ZBTB20: variants seen among roughly 807,000 people sequenced by gnomAD.
ZBTB20 encodes zinc finger and BTB domain containing 20.
ZBTB20 carries 9 observed loss-of-function variants against 56.9 expected under a neutral mutation model. The ratio of observed to expected loss-of-function variants is 0.16; its 90% CI spans 0.10 to 0.28. The LOEUF is 0.28. Ranked by LOEUF, ZBTB20 falls within the 10% of genes least tolerant of loss-of-function variation. The probability of loss-of-function intolerance (pLI) is 1.00; values close to 1 mark genes in which losing one functional copy is unlikely to be tolerated. For synonymous variants in ZBTB20, 417 were observed against 420.7 expected, an observed-to-expected ratio of 0.99 and a Z score of 0.11; for missense variants, 655 against 1,003.0, an observed-to-expected ratio of 0.65 and a Z score of 4.69.
intron 5 of ZBTB20, among the ~76,000 whole-genome samples, chr3:114,711,399 A>G (rs2064068919): frequency 6.6e-6 from 1 of 152,220 alleles, no homozygotes; most frequent in South Asian, 2.1e-4. Flanking sequence ...TCCCAGTCAC[A>G]TAAACTTTAA....
In ZBTB20 at chr3:114,851,529, A is replaced by T. The variant is rs533442051; in HGVS notation, c.-417+48775T>A. ...CTGGTTATTTCCCCATTGTATTTCC[A>T]ATTTTGTGCATTTGTGGGATTTCTC... is the stretch of plus-strand genomic sequence containing the variant. On this transcript the variant is annotated intron_variant, in intron 4 of 11. Transcript: ENST00000675478. Among the ~76,000 whole-genome samples, 168 of 152,026 alleles carry T rather than the reference A, an allele frequency of 1.1e-3. 2 individuals carry two copies. The highest frequency in any genetic ancestry group is 1.8e-3 in the Non-Finnish European group (120 of 67,956).
chr3:114,541,845 C>T (rs2049151521), intron 6 of ZBTB20, among the ~76,000 whole-genome samples: 1 of 152,038 alleles, frequency 6.6e-6, no homozygotes, highest in Non-Finnish European at 1.5e-5. Flanking sequence ...ATTATTAAAC[C>T]TCTCTGAATG....
intron 2 of ZBTB20, among the ~76,000 whole-genome samples, chr3:115,061,771 CTATT>C (rs369650983): frequency 2.3e-4 from 35 of 152,198 alleles, no homozygotes; most frequent in African/African-American, 7.9e-4. Context: ...ACAGCTGAAA[CTATT>C]TAATATGGGT....
At chr3:114,530,869 C>T (rs1474486283) in intron 6 of ZBTB20, among the ~76,000 whole-genome samples, 1 of 152,084 alleles carries the variant, frequency 6.6e-6, no homozygotes, top group Admixed American at 6.6e-5. Context: ...CCTAATTTCC[C>T]TATTCTCTAT....
chr3:114,589,064 C>T (rs1037033683), intron 6 of ZBTB20, among the ~76,000 whole-genome samples: 1 of 152,080 alleles, frequency 6.6e-6, no homozygotes, highest in African/African-American at 2.4e-5. Flanking sequence ...GTAACTGCTT[C>T]CATGATTCAA....
At chr3:114,647,148 C>T (rs191286937) in intron 6 of ZBTB20, among the ~76,000 whole-genome samples, 1 of 152,144 alleles carries the variant, frequency 6.6e-6, no homozygotes, top group Admixed American at 6.6e-5. Flanking sequence ...TTAGTAGAGA[C>T]TGGCTTTCAT....
At chr3:115,027,598 T>C (rs2080478054) in intron 2 of ZBTB20, 1 of 150,986 alleles carries the variant, frequency 6.6e-6, no homozygotes, top group African/African-American at 2.4e-5. Context: ...AGTAAAGTAT[T>C]CTTACTTCAC....
chr3:114,835,803 T>C (rs2108976828), intron 4 of ZBTB20, among the ~76,000 whole-genome samples: 1 of 152,326 alleles, frequency 6.6e-6, no homozygotes, highest in South Asian at 2.1e-4. Context: ...ACATTTTTTT[T>C]CTTTTTTTGT....
chr3:114,819,489 G>GA (rs2073123651), intron 4 of ZBTB20, among the ~76,000 whole-genome samples: 1 of 151,794 alleles, frequency 6.6e-6, no homozygotes, highest in Non-Finnish European at 1.5e-5. Flanking sequence ...TGAAAGAACT[G>GA]AAAAAGCAGA....
At chr3:114,560,881 T>C (rs1249112306) in intron 6 of ZBTB20, among the ~76,000 whole-genome samples, 5 of 152,206 alleles carry the variant, frequency 3.3e-5, no homozygotes, top group Non-Finnish European at 5.9e-5. Flanking sequence ...TGCTGTTTGA[T>C]AGCATTTTAC....
At chr3:114,523,533 C>T (rs73224505) in intron 6 of ZBTB20, among the ~76,000 whole-genome samples, 4,044 of 152,172 alleles carry the variant, frequency 0.027, 68 homozygotes, top group Middle Eastern at 0.065. Context: ...TTTGATAAAA[C>T]AGAAGAAAGA....
intron 5 of ZBTB20, among the ~76,000 whole-genome samples, chr3:114,717,504 A>G (rs1255542744): frequency 6.6e-6 from 1 of 152,060 alleles, no homozygotes; most frequent in African/African-American, 2.4e-5. Flanking sequence ...TGAGGCTTTG[A>G]TTCTTGTCCA....
intron 2 of ZBTB20, among the ~76,000 whole-genome samples, chr3:115,035,488 G>A (rs2080875261): frequency 6.6e-6 from 1 of 151,768 alleles, no homozygotes; most frequent in South Asian, 2.1e-4. Flanking sequence ...TTTGGGAAAT[G>A]TAAATCAAAG....
intron 3 of ZBTB20, among the ~76,000 whole-genome samples, chr3:114,914,451 G>A (rs1023377954): frequency 7.2e-5 from 11 of 151,846 alleles, no homozygotes; most frequent in African/African-American, 2.2e-4. Context: ...TGAATTTATT[G>A]ATCAGTTCTA....
chr3:114,700,712 C>T (rs1441420705), intron 5 of ZBTB20, among the ~76,000 whole-genome samples: 1 of 152,118 alleles, frequency 6.6e-6, no homozygotes, highest in African/African-American at 2.4e-5. Context: ...GACCTGCACA[C>T]TAAAATTGTA....
chr3:114,799,669 T>C (rs1378270697), intron 5 of ZBTB20, among the ~76,000 whole-genome samples: 3 of 151,976 alleles, frequency 2.0e-5, no homozygotes, highest in Admixed American at 1.3e-4. Context: ...GAGACCTTAC[T>C]GTCTGTGGGT....
intron 4 of ZBTB20, among the ~76,000 whole-genome samples, chr3:114,888,309 G>A (rs2076681490): frequency 6.6e-6 from 1 of 152,028 alleles, no homozygotes; most frequent in Non-Finnish European, 1.5e-5. Context: ...TGTAGTCCCA[G>A]CTACTGGGAA....
At chr3:115,146,842 G>C (rs1560608524) in intron 1 of ZBTB20, among the ~76,000 whole-genome samples, 1 of 152,114 alleles carries the variant, frequency 6.6e-6, no homozygotes. Flanking sequence ...AGGGAGTAGA[G>C]AGAAGAAGGC....
In ZBTB20 at chr3:114,981,297, C is replaced by T. The variant is rs537947854; in HGVS notation, c.-506-6881G>A. 4.6e-5 allele frequency among the ~76,000 whole-genome samples: 7 copies of T among 152,058 alleles called. No individual in the cohort carries two copies. The South Asian group carries it at 1.4e-3, about 31-fold the overall frequency. ...TTCAGAAGACAGGCCTAATAATGAG[C>T]TATTTTGTTATGATTTGTAACCTTT... On this transcript the variant is annotated intron_variant, in intron 2 of 11. Coordinates refer to ENST00000675478, the MANE Select transcript of ZBTB20 (RefSeq NM_001348800.3).
Sources: gnomAD v4.1 joint callset for allele counts (sites outside exome capture counted in the v4.1 genomes callset) on GRCh38, gnomAD v4.1.1 for gene constraint, MANE v1.5 for transcripts, NCBI Gene and HGNC (gene_info 2026-07-23, HGNC 2026-07-21) for gene names.